ZER1: variants seen among roughly 807,000 people sequenced by gnomAD.
ZER1 encodes zyg-11 related cell cycle regulator.
In ZER1, 11 loss-of-function variants were observed where a neutral mutation model predicts 78.8. The ratio of observed to expected loss-of-function variants is 0.14; its 90% confidence interval spans 0.09 to 0.23. ZER1 has a LOEUF of 0.23. ZER1 is among the 10% of genes least tolerant of loss of function. The probability of loss-of-function intolerance (pLI) is 1.00; values close to 1 mark genes in which losing one functional copy is unlikely to be tolerated. For missense variants in ZER1, 588 were observed against 996.9 expected (o/e 0.59, Z 5.52); for synonymous variants, 400 against 407.0 (o/e 0.98, Z 0.21).
In ZER1 at chr9:128,735,342, G is replaced by T; in HGVS notation, c.2132C>A (p.Ser711Tyr). ...GACAAGTTGGCACTCACGGTAGACA[G>T]ACACGAGGTTATACAGGGCCCAGGT... ...WATWALYNLV[S>Y]VYPDKYCPLL... The change falls in exon 14 of 16, where the codon TCT (serine) becomes TAT (tyrosine). Residue 711 changes from serine (S) to tyrosine (Y), a missense_variant. Ser to Tyr is a moderately radical substitution (Grantham distance 144). Coordinates refer to ENST00000291900, the MANE Select transcript of ZER1 (RefSeq NM_006336.4). The T allele has an allele frequency of 6.2e-7, 1 of 1,613,510 alleles. No individual in the cohort carries two copies. Among genetic ancestry groups the T allele is most frequent in the South Asian group, 1.1e-5 (1 of 91,010 alleles).
At chr9:128,743,569 G>A (rs1373932072) in intron 8 of ZER1, among the ~76,000 whole-genome samples, 1 of 150,854 alleles carries the variant, frequency 6.6e-6, no homozygotes. Context: ...CTACAGCTGT[G>A]TGCCACCATA....
At chr9:128,745,196 TG>T (rs1863445315) in intron 8 of ZER1, among the ~76,000 whole-genome samples, 2 of 149,074 alleles carry the variant, frequency 1.3e-5, no homozygotes, top group African/African-American at 2.5e-5. Flanking sequence ...TTGATTTGTT[TG>T]GGTTTTTTTT....
At chr9:128,770,771 C>T (rs911295982) in intron 1 of ZER1, among the ~76,000 whole-genome samples, 2 of 152,190 alleles carry the variant, frequency 1.3e-5, no homozygotes, top group African/African-American at 4.8e-5. Flanking sequence ...TGCTTTTATG[C>T]TCATCCTAAC....
At chr9:128,762,620 A>G (rs1196671026) in intron 1 of ZER1, among the ~76,000 whole-genome samples, 1 of 152,218 alleles carries the variant, frequency 6.6e-6, no homozygotes, top group Non-Finnish European at 1.5e-5. Context: ...GCATGTAGTC[A>G]TTGCTCAATA....
intron 14 of ZER1, among the ~76,000 whole-genome samples, chr9:128,734,144 A>AAAAAAAAAATATATATAT: frequency 2.8e-4 from 4 of 14,446 alleles, no homozygotes; most frequent in African/African-American, 7.5e-4. Flanking sequence ...AAAAAAAAAA[A>AAAAAAAAAATATATATAT]ATATATATAT....
chr9:128,743,580 T>C (rs913207979), intron 8 of ZER1, among the ~76,000 whole-genome samples: 15 of 151,034 alleles, frequency 9.9e-5, no homozygotes, highest in African/African-American at 3.4e-4. Flanking sequence ...TGCCACCATA[T>C]GCGCAGCTAT....
chr9:128,770,295 T>C (rs1489508468), intron 1 of ZER1, among the ~76,000 whole-genome samples: 1 of 152,060 alleles, frequency 6.6e-6, no homozygotes, highest in African/African-American at 2.4e-5. Context: ...AGCTAATTTT[T>C]TTTTTGGTAC....
At chr9:128,744,003 A>G (rs953689654) in intron 8 of ZER1, among the ~76,000 whole-genome samples, 1 of 145,132 alleles carries the variant, frequency 6.9e-6, no homozygotes, top group African/African-American at 2.6e-5. Context: ...CGTTCAAGCA[A>G]TTTTCTACCT....
At position 128,751,014 on chromosome 9, in the gene ZER1, G is replaced by A. The variant is rs1863658105; in HGVS notation, c.1185+108C>T. 1 of 1,466,262 alleles carries A rather than the reference G, an allele frequency of 6.8e-7. No homozygotes were observed. The highest frequency in any genetic ancestry group is 9.0e-7 in the Non-Finnish European group (1 of 1,107,172). The allele number at this position is 1,466,262 out of a possible 1,614,324, so 90.8% of individuals were successfully genotyped here. The stretch of plus-strand genomic sequence containing the variant: ...GCTGGGGTTCGGGTCCTGGGGCCCT[G>A]GGGACAGGGTGCAGAAGGACACAGG... On this transcript the variant is annotated intron_variant, in intron 7 of 15. Coordinates refer to ENST00000291900, the MANE Select transcript of ZER1 (RefSeq NM_006336.4). This position sits in a 1 kb window ranked among gnomAD's most constrained non-coding sequence, Gnocchi z 5.4.
At chr9:128,737,300 G>C (rs1201659780) in intron 13 of ZER1, among the ~76,000 whole-genome samples, 1 of 152,038 alleles carries the variant, frequency 6.6e-6, no homozygotes, top group Non-Finnish European at 1.5e-5. Flanking sequence ...CTGCTCTTCT[G>C]ACGAGGGCCT....
chr9:128,744,099 G>A (rs1315437936), intron 8 of ZER1, among the ~76,000 whole-genome samples: 11 of 151,576 alleles, frequency 7.3e-5, no homozygotes, highest in East Asian at 1.9e-4. Flanking sequence ...GGGTTTCACC[G>A]TCTTGGCCAG....
At chr9:128,766,845 CAAAAA>C (rs1176953959) in intron 1 of ZER1, among the ~76,000 whole-genome samples, 1 of 49,652 alleles carries the variant, frequency 2.0e-5, no homozygotes, top group African/African-American at 9.2e-5. Context: ...GATTCCGTCT[CAAAAA>C]AAAAAAAAAA....
intron 1 of ZER1, among the ~76,000 whole-genome samples, chr9:128,760,869 G>A (rs1298861783): frequency 6.6e-6 from 1 of 151,570 alleles, no homozygotes; most frequent in African/African-American, 2.4e-5. Flanking sequence ...CTGAAAAATG[G>A]GGATAATAGG....
intron 1 of ZER1, among the ~76,000 whole-genome samples, chr9:128,760,648 C>A (rs1864011944): frequency 6.6e-6 from 1 of 151,814 alleles, no homozygotes; most frequent in South Asian, 2.1e-4. Context: ...AAAAAAAAAG[C>A]TGGGTGTTGT....
Position 128,750,619 on chromosome 9 carries a change from C to T in ZER1, c.1356G>A (p.Val452=). Residue 452 remains valine, a synonymous_variant, in exon 8 of 16, where the codon GTG becomes GTA. Coordinates refer to ENST00000291900, the MANE Select transcript of ZER1 (RefSeq NM_006336.4). ...GCCGTGGCGGGTGGGGGCTCACCGT[C>T]ACCTCCTGGTAGGATTCCATGCCAT... ...VLNGMESYQE[V]TVQRNCCLTL... 1 of 1,613,056 alleles carries T rather than the reference C, an allele frequency of 6.2e-7. No individual in the cohort carries two copies. The highest frequency in any genetic ancestry group is 8.5e-7 in the Non-Finnish European group (1 of 1,179,104).
At position 128,754,708 on chromosome 9, in the gene ZER1, G is replaced by A. The variant is rs1193998852; in HGVS notation, c.158+700C>T. Among the ~76,000 whole-genome samples the A allele has an allele frequency of 1.3e-5, 2 of 149,236 alleles. No homozygotes were observed. The highest frequency in any genetic ancestry group is 3.0e-5 in the Non-Finnish European group (2 of 67,524). ...TCTTTTTCTTTTTTTTTTTTTGGTA[G>A]AGACAAGGTCTCGCTATGTCACCCA... On this transcript the variant is annotated intron_variant, in intron 2 of 15. Transcript: ENST00000291900. The surrounding 1 kb of genome is among the most constrained non-coding windows in gnomAD (Gnocchi z 4.3).
In ZER1 at chr9:128,751,464, G is replaced by A. The variant is rs369344756; in HGVS notation, c.987C>T (p.Leu329=). 4.3e-6 allele frequency: 7 copies of A among 1,614,006 alleles called. No homozygotes were observed. The highest frequency in any genetic ancestry group is 5.1e-6 in the Non-Finnish European group (6 of 1,180,030). Residue 329 remains leucine (L), a synonymous_variant, in exon 6 of 16, where the codon CTC becomes CTT. Coordinates refer to ENST00000291900, the MANE Select transcript of ZER1 (RefSeq NM_006336.4). This position sits in a 1 kb window ranked among gnomAD's most constrained non-coding sequence, Gnocchi z 5.4. ...FRALKRPLQF[L]GLFENSLCRL... is the part of the protein sequence containing the mutation. Reference sequence around the variant, plus strand: ...GGCACAGAGAGTTCTCAAAGAGCCCGAGGAACTGCAGCGGCCTCTTCAGAG... The same window carrying A: ...GGCACAGAGAGTTCTCAAAGAGCCCAAGGAACTGCAGCGGCCTCTTCAGAG...
intron 1 of ZER1, among the ~76,000 whole-genome samples, chr9:128,762,964 C>T (rs1366906145): frequency 6.6e-6 from 1 of 152,220 alleles, no homozygotes; most frequent in African/African-American, 2.4e-5. Flanking sequence ...ACCGGAATTA[C>T]AGCCAGCTTT....
At chr9:128,766,996 G>A (rs1250434328) in intron 1 of ZER1, among the ~76,000 whole-genome samples, 1 of 150,038 alleles carries the variant, frequency 6.7e-6, no homozygotes, top group Non-Finnish European at 1.5e-5. Flanking sequence ...AAGCTGGAGT[G>A]CAATGGCACA....
Sources: allele counts gnomAD v4.1 joint callset (sites outside exome capture counted in the v4.1 genomes callset), GRCh38; gene constraint gnomAD v4.1.1; non-coding constraint Gnocchi (gnomAD v3.1); transcripts MANE v1.5; gene names NCBI Gene and HGNC (gene_info 2026-07-23, HGNC 2026-07-21).